The following XKR4 variants were observed in gnomAD, a reference collection of about 807,000 sequenced individuals.
XKR4 encodes the protein XK-related protein 4.
Under a neutral mutation model 53.9 loss-of-function variants are expected in XKR4, and 12 were observed. The ratio of observed to expected loss-of-function variants is 0.22; its 90% CI spans 0.14 to 0.36. The LOEUF (loss-of-function observed/expected upper bound fraction) is 0.36. Among genes scored for constraint, XKR4 ranks in the 10% least tolerant of loss-of-function variants. XKR4 has a pLI of 1.00. For synonymous variants in XKR4, 354 were observed against 362.4 expected (o/e 0.98, Z 0.26); for missense variants, 799 against 859.5 (o/e 0.93, Z 0.88).
intron 1 of XKR4, among the ~76,000 whole-genome samples, chr8:55,323,326 G>T (rs1803243147): frequency 6.6e-6 from 1 of 152,168 alleles, no homozygotes; most frequent in African/African-American, 2.4e-5. Context: ...CAAATATTCA[G>T]TAGTGCTACC....
At chr8:55,505,938 CA>C (rs1398412732) in intron 2 of XKR4, among the ~76,000 whole-genome samples, 2 of 152,212 alleles carry the variant, frequency 1.3e-5, no homozygotes, top group Admixed American at 1.3e-4. Flanking sequence ...CTTCCTATAT[CA>C]AAATATATAT....
chr8:55,322,168 T>C (rs186870438), intron 1 of XKR4, among the ~76,000 whole-genome samples: 1 of 152,246 alleles, frequency 6.6e-6, no homozygotes. Context: ...CCCTAAGTAA[T>C]TGCTTAATTT....
At chr8:55,403,130 G>C (rs377341256) in intron 2 of XKR4, among the ~76,000 whole-genome samples, 1 of 152,162 alleles carries the variant, frequency 6.6e-6, no homozygotes. Flanking sequence ...TTCTATAATA[G>C]AGTACTTGTA....
intron 2 of XKR4, among the ~76,000 whole-genome samples, chr8:55,508,901 A>G (rs1806583103): frequency 6.6e-6 from 1 of 152,232 alleles, no homozygotes. Flanking sequence ...CTTTGAGGTG[A>G]GTCTTAGTAT....
chr8:55,213,197 G>A (rs567033191), intron 1 of XKR4, among the ~76,000 whole-genome samples: 5 of 152,284 alleles, frequency 3.3e-5, no homozygotes, highest in African/African-American at 7.2e-5. Context: ...GCTTTGGCTC[G>A]AACACCTCTG....
At chr8:55,393,268 T>C (rs2975948) in intron 2 of XKR4, among the ~76,000 whole-genome samples, 1 of 151,894 alleles carries the variant, frequency 6.6e-6, no homozygotes, top group Non-Finnish European at 1.5e-5. Context: ...AACAAAAATA[T>C]AATTGAGTTA....
chr8:55,168,500 C>T (rs1488413178), intron 1 of XKR4, among the ~76,000 whole-genome samples: 1 of 152,132 alleles, frequency 6.6e-6, no homozygotes, highest in Non-Finnish European at 1.5e-5. Flanking sequence ...TGTTCCTGTG[C>T]TTTGAGTATC....
intron 2 of XKR4, among the ~76,000 whole-genome samples, chr8:55,387,275 T>G (rs1804333257): frequency 6.6e-6 from 1 of 152,252 alleles, no homozygotes; most frequent in Non-Finnish European, 1.5e-5. Flanking sequence ...CTTGGCTCTC[T>G]GTAAAACCTC....
intron 2 of XKR4, among the ~76,000 whole-genome samples, chr8:55,465,888 G>T (rs1213019120): frequency 1.3e-5 from 2 of 152,092 alleles, no homozygotes; most frequent in Non-Finnish European, 2.9e-5. Flanking sequence ...ATGAAAAAAT[G>T]CTCATCATCA....
intron 1 of XKR4, among the ~76,000 whole-genome samples, chr8:55,319,355 T>C (rs1428368649): frequency 6.6e-6 from 1 of 152,220 alleles, no homozygotes; most frequent in African/African-American, 2.4e-5. Flanking sequence ...GCATTATTCT[T>C]TGACCATTAA....
intron 2 of XKR4, among the ~76,000 whole-genome samples, chr8:55,472,205 G>A (rs1311919003): frequency 6.6e-6 from 1 of 152,080 alleles, no homozygotes; most frequent in Non-Finnish European, 1.5e-5. Flanking sequence ...GGATTAGATG[G>A]TAGATTAGCT....
chr8:55,500,223 T>C (rs1806416764), intron 2 of XKR4, among the ~76,000 whole-genome samples: 2 of 150,070 alleles, frequency 1.3e-5, no homozygotes, highest in Non-Finnish European at 3.0e-5. Context: ...ACAAGAACAT[T>C]GCAGCAACAA....
intron 2 of XKR4, among the ~76,000 whole-genome samples, chr8:55,387,738 C>G (rs946815263): frequency 1.3e-5 from 2 of 152,192 alleles, no homozygotes; most frequent in African/African-American, 4.8e-5. Flanking sequence ...ACCACATCCT[C>G]TTGGCTGTAC....
chr8:55,422,035 A>G (rs1229394166), intron 2 of XKR4, among the ~76,000 whole-genome samples: 1 of 152,226 alleles, frequency 6.6e-6, no homozygotes, highest in Non-Finnish European at 1.5e-5. Context: ...GCATAAAACA[A>G]AAGAATAACT....
At chr8:55,286,829 C>T (rs1239576865) in intron 1 of XKR4, among the ~76,000 whole-genome samples, 3 of 152,086 alleles carry the variant, frequency 2.0e-5, no homozygotes, top group Non-Finnish European at 4.4e-5. Context: ...GGGAATGTGT[C>T]TTTAAAATAC....
chr8:55,378,635 C>A (rs575741101), intron 2 of XKR4, among the ~76,000 whole-genome samples: 1 of 152,146 alleles, frequency 6.6e-6, no homozygotes, highest in South Asian at 2.1e-4. Context: ...TTATTCTGTT[C>A]AAAACTGCAC....
intron 2 of XKR4, among the ~76,000 whole-genome samples, chr8:55,428,416 A>G (rs928427514): frequency 1.2e-4 from 19 of 152,190 alleles, no homozygotes; most frequent in African/African-American, 4.3e-4. Context: ...CCAGCAAGAC[A>G]GTAGACTTTT....
intron 1 of XKR4, among the ~76,000 whole-genome samples, chr8:55,276,982 T>G (rs1388988395): frequency 6.6e-6 from 1 of 152,210 alleles, no homozygotes; most frequent in Non-Finnish European, 1.5e-5. Context: ...ATTGGAGGGA[T>G]TAAACCTATA....
intron 1 of XKR4, among the ~76,000 whole-genome samples, chr8:55,151,634 A>T (rs1256537795): frequency 1.3e-5 from 2 of 152,186 alleles, no homozygotes; most frequent in Non-Finnish European, 2.9e-5. Context: ...TCTTGTAAAC[A>T]CTGAAAAATC....
Sources: gnomAD v4.1 joint callset for allele counts (sites outside exome capture counted in the v4.1 genomes callset) on GRCh38, gnomAD v4.1.1 for gene constraint, MANE v1.5 for transcripts, NCBI Gene and HGNC (gene_info 2026-07-23, HGNC 2026-07-21) for gene names.